Variants in TMEM131L observed in about 807,000 individuals in gnomAD.
TMEM131L encodes transmembrane protein 131-like.
Under a neutral mutation model 192.2 loss-of-function variants are expected in TMEM131L, and 54 were observed. The observed-to-expected ratio is 0.28, with a 90% CI of 0.23 to 0.35. The LOEUF is 0.35. TMEM131L is among the 10% of genes least tolerant of loss of function. The probability of loss-of-function intolerance (pLI) is 1.00; values close to 1 mark genes in which losing one functional copy is unlikely to be tolerated. For synonymous variants in TMEM131L, 701 were observed against 704.9 expected, an observed-to-expected ratio of 0.99 and a Z score of 0.09; for missense variants, 1,888 against 1,972.9, an observed-to-expected ratio of 0.96 and a Z score of 0.82.
chr4:153,473,271 G>A (rs950317601), intron 2 of TMEM131L, among the ~76,000 whole-genome samples: 1 of 152,208 alleles, frequency 6.6e-6, no homozygotes, highest in Non-Finnish European at 1.5e-5. Flanking sequence ...AATGATATGA[G>A]GAGACTGGTC....
At chr4:153,518,480 A>G (rs1331290732) in intron 3 of TMEM131L, among the ~76,000 whole-genome samples, 1 of 152,260 alleles carries the variant, frequency 6.6e-6, no homozygotes, top group African/African-American at 2.4e-5. Context: ...AATGGAATAG[A>G]AAAGCTTGAA....
rs557876816 is a variant in TMEM131L at position 153,560,395 on chromosome 4, T to C, written c.660+2027T>C. On this transcript the variant is annotated intron_variant, in intron 7 of 34. Coordinates refer to ENST00000409959, the MANE Select transcript of TMEM131L (RefSeq NM_001131007.2). Reference sequence around the variant, plus strand: ...CCTACCTTGGCAGTGCCTTGGCTTTTCTTGGTCTTTGTTTCTGCTTCAGAA... The same window carrying C: ...CCTACCTTGGCAGTGCCTTGGCTTTCCTTGGTCTTTGTTTCTGCTTCAGAA... 3.3e-5 allele frequency among the ~76,000 whole-genome samples: 5 copies of C among 152,364 alleles called. No homozygotes were observed. The East Asian group carries it at 9.6e-4, about 29-fold the overall frequency.
At chr4:153,476,621 C>T (rs567358174) in intron 3 of TMEM131L, among the ~76,000 whole-genome samples, 5 of 152,124 alleles carry the variant, frequency 3.3e-5, no homozygotes, top group East Asian at 1.9e-4. Context: ...GGCATGAACC[C>T]GGGAGGCGGA....
chr4:153,480,517 C>CAAAAAA (rs1157080931), intron 3 of TMEM131L, among the ~76,000 whole-genome samples: 2 of 50,742 alleles, frequency 3.9e-5, no homozygotes, highest in Admixed American at 2.3e-4. Flanking sequence ...GACTCCATCT[C>CAAAAAA]AAAAAAAAAA....
intron 31 of TMEM131L, among the ~76,000 whole-genome samples, chr4:153,629,064 C>T (rs962607846): frequency 2.6e-5 from 4 of 152,158 alleles, no homozygotes; most frequent in African/African-American, 9.7e-5. Flanking sequence ...TGCAAAGCCC[C>T]AGCCATGGTT....
At chr4:153,532,622 A>G (rs1735988563) in intron 3 of TMEM131L, among the ~76,000 whole-genome samples, 1 of 152,020 alleles carries the variant, frequency 6.6e-6, no homozygotes, top group African/African-American at 2.4e-5. Context: ...TTATAAAGAA[A>G]ATGTAGTTTG....
intron 3 of TMEM131L, among the ~76,000 whole-genome samples, chr4:153,485,148 A>T (rs1402266656): frequency 6.7e-6 from 1 of 149,834 alleles, no homozygotes; most frequent in African/African-American, 2.5e-5. Context: ...AAAAAAAATC[A>T]GCATTTGTTG....
chr4:153,583,579 T>A lies in TMEM131L; in HGVS notation c.967T>A (p.Ser323Thr). The A allele has an allele frequency of 6.2e-7, 1 of 1,608,754 alleles. No homozygotes were observed. Residue 323 changes from serine (S) to threonine (T), a missense_variant, in exon 11 of 35, where the codon TCA becomes ACA. Transcript: ENST00000409959. ...TTTATTTCAGGATATACGCCATTTCTCACAGAGAGATGCTCTGTCTCTGCA... is the reference window on the plus strand; with the variant it reads ...TTTATTTCAGGATATACGCCATTTCACACAGAGAGATGCTCTGTCTCTGCA... Reference protein sequence around the residue: ...LIWIQDIRHFSQRDALSLQFE... With the variant: ...LIWIQDIRHFTQRDALSLQFE...
Position 153,621,701 on chromosome 4 carries a change from T to C in TMEM131L, c.3711T>C (p.Asp1237=), listed in dbSNP as rs548745972. 6.2e-7 allele frequency: 1 copy of C among 1,614,186 alleles called. No individual in the cohort carries two copies. Among genetic ancestry groups the C allele is most frequent in the African/African-American group, 1.3e-5 (1 of 75,052 alleles). ...APVSRPPEQS[D]LKLVCSDFER... ...TTTCCAGGCCTCCTGAACAGAGTGA[T>C]CTAAAGCTTGTGTGCAGTGACTTTG... The change falls in exon 28 of 35, where the codon GAT becomes GAC. Residue 1237 remains aspartate (D), a synonymous_variant. Coordinates refer to ENST00000409959, the MANE Select transcript of TMEM131L (RefSeq NM_001131007.2).
At position 153,602,644 on chromosome 4, in the gene TMEM131L, T is replaced by G. The variant is rs1261982763; in HGVS notation, c.2556T>G (p.His852Gln). The change falls in exon 23 of 35, where the codon CAT (histidine) becomes CAG (glutamine). Residue 852 changes from histidine to glutamine, a missense_variant. Transcript: ENST00000409959. Reference sequence around the variant, plus strand: ...TCACTCTCAATGTGACTCTCCCTCATCACCTGTTGCCCTTGTGTGCAGACG... The same window carrying G: ...TCACTCTCAATGTGACTCTCCCTCAGCACCTGTTGCCCTTGTGTGCAGACG... ...FRFTLNVTLPHHLLPLCADVV... is the reference protein window; with the variant it reads ...FRFTLNVTLPQHLLPLCADVV... 6.2e-7 allele frequency: 1 copy of G among 1,614,158 alleles called. No homozygotes were observed. The highest frequency in any genetic ancestry group is 1.7e-5 in the Admixed American group (1 of 60,022).
chr4:153,528,016 T>C (rs1735621778), intron 3 of TMEM131L, among the ~76,000 whole-genome samples: 1 of 152,186 alleles, frequency 6.6e-6, no homozygotes, highest in Non-Finnish European at 1.5e-5. Flanking sequence ...AGCAGGTTCT[T>C]TTCCTCACCG....
chr4:153,524,857 A>C (rs1375102947), intron 3 of TMEM131L, among the ~76,000 whole-genome samples: 1 of 152,190 alleles, frequency 6.6e-6, no homozygotes, highest in Non-Finnish European at 1.5e-5. Context: ...CAGTGTCGCC[A>C]TTGCTGTGAT....
intron 3 of TMEM131L, among the ~76,000 whole-genome samples, chr4:153,508,466 A>G (rs1436995661): frequency 2.6e-5 from 4 of 152,132 alleles, no homozygotes; most frequent in African/African-American, 7.2e-5. Flanking sequence ...TCTGAATCCT[A>G]AGTTCAGAAC....
rs1038520681 is a variant in TMEM131L, at chr4:153,488,697, C to T, written c.239+14809C>T. Among the ~76,000 whole-genome samples the T allele has an allele frequency of 3.9e-5, 6 of 152,182 alleles. No individual in the cohort carries two copies. The East Asian group carries it at 5.8e-4, about 15-fold the overall frequency. On this transcript the variant is annotated intron_variant, in intron 3 of 34. Coordinates refer to ENST00000409959, the MANE Select transcript of TMEM131L (RefSeq NM_001131007.2). ...GTATTAATTTCCCAGGGCTGTCTAACGAAGTGCCACAAACTGCGCGGCTTT... is the reference window on the plus strand; with the variant it reads ...GTATTAATTTCCCAGGGCTGTCTAATGAAGTGCCACAAACTGCGCGGCTTT...
intron 3 of TMEM131L, among the ~76,000 whole-genome samples, chr4:153,545,577 G>A (rs1580181971): frequency 6.6e-6 from 1 of 152,150 alleles, no homozygotes; most frequent in African/African-American, 2.4e-5. Context: ...ATGAGCCACC[G>A]TGCCAGGCCC....
At chr4:153,511,266 TGTG>T (rs1734336775) in intron 3 of TMEM131L, among the ~76,000 whole-genome samples, 1 of 152,066 alleles carries the variant, frequency 6.6e-6, no homozygotes, top group Non-Finnish European at 1.5e-5. Context: ...CTAAAGAAAA[TGTG>T]GTACATATAC....
At chr4:153,523,742 G>A (rs1182262589) in intron 3 of TMEM131L, among the ~76,000 whole-genome samples, 2 of 152,094 alleles carry the variant, frequency 1.3e-5, no homozygotes, top group East Asian at 1.9e-4. Context: ...AAAAGTCTGC[G>A]GTTAGTGTTA....
At chr4:153,530,888 T>A (rs1489142204) in intron 3 of TMEM131L, among the ~76,000 whole-genome samples, 1 of 152,206 alleles carries the variant, frequency 6.6e-6, no homozygotes, top group Non-Finnish European at 1.5e-5. Flanking sequence ...TCTGGGAGTC[T>A]TTCCTGGAGG....
At chr4:153,546,667 C>A (rs560711655) in intron 3 of TMEM131L, among the ~76,000 whole-genome samples, 1 of 152,356 alleles carries the variant, frequency 6.6e-6, no homozygotes, top group East Asian at 1.9e-4. Flanking sequence ...GTGGCTCATG[C>A]CTGTAATCCC....
Sources: gnomAD v4.1 joint callset for allele counts (sites outside exome capture counted in the v4.1 genomes callset) on GRCh38, gnomAD v4.1.1 for gene constraint, MANE v1.5 for transcripts, NCBI Gene and HGNC (gene_info 2026-07-23, HGNC 2026-07-21) for gene names.